HS3ST5: variants seen among roughly 807,000 people sequenced by gnomAD.
HS3ST5 encodes heparan sulfate glucosamine 3-O-sulfotransferase 5.
Under a neutral mutation model 25.4 loss-of-function variants are expected in HS3ST5, and 10 were observed. That is an observed-to-expected ratio of 0.39 (90% CI 0.24 to 0.67). The LOEUF is 0.67. HS3ST5 is among the 30% of genes least tolerant of loss of function. The pLI, the probability that HS3ST5 is intolerant of heterozygous loss-of-function variation, is 0.44. For missense variants in HS3ST5, 324 were observed against 420.7 expected (o/e 0.77, Z 2.01); for synonymous variants, 170 against 162.4 (o/e 1.05, Z -0.36).
At chr6:114,133,337 C>T (rs935554788) in intron 3 of HS3ST5, among the ~76,000 whole-genome samples, 4 of 152,222 alleles carry the variant, frequency 2.6e-5, no homozygotes, top group Admixed American at 6.5e-5. Flanking sequence ...CATGACCCCA[C>T]TGTTCCTCAG....
intron 1 of HS3ST5, among the ~76,000 whole-genome samples, chr6:114,317,804 G>GC (rs1291265464): frequency 2.7e-5 from 4 of 148,874 alleles, no homozygotes; most frequent in Non-Finnish European, 4.5e-5. Context: ...GCGGGGGGCG[G>GC]GGGGGTAGGC....
At chr6:114,093,727 AAAATCTG>A (rs1451056466) in intron 3 of HS3ST5, among the ~76,000 whole-genome samples, 1 of 152,156 alleles carries the variant, frequency 6.6e-6, no homozygotes, top group African/African-American at 2.4e-5. Flanking sequence ...AGCTGGAACT[AAAATCTG>A]AGCAGACAAA....
intron 1 of HS3ST5, among the ~76,000 whole-genome samples, chr6:114,292,617 C>T (rs931146758): frequency 6.6e-6 from 1 of 152,174 alleles, no homozygotes; most frequent in Non-Finnish European, 1.5e-5. Flanking sequence ...GTGCCAGAGT[C>T]ATTTTCATAA....
intron 1 of HS3ST5, among the ~76,000 whole-genome samples, chr6:114,332,993 T>C (rs1350908887): frequency 6.6e-6 from 1 of 152,108 alleles, no homozygotes; most frequent in Non-Finnish European, 1.5e-5. Context: ...GTTGAGCTAG[T>C]TTGAACTCTA....
At chr6:114,103,738 T>G (rs1407199709) in intron 3 of HS3ST5, among the ~76,000 whole-genome samples, 2 of 147,042 alleles carry the variant, frequency 1.4e-5, no homozygotes, top group East Asian at 4.0e-4. Flanking sequence ...AGTGTCTGTC[T>G]CCCAGGCTGG....
At chr6:114,209,890 T>C (rs1407703696) in intron 2 of HS3ST5, among the ~76,000 whole-genome samples, 1 of 152,162 alleles carries the variant, frequency 6.6e-6, no homozygotes, top group African/African-American at 2.4e-5. Flanking sequence ...CAGGGTAATA[T>C]AGAAAGAGAA....
At chr6:114,335,668 T>C (rs1776580465) in intron 1 of HS3ST5, among the ~76,000 whole-genome samples, 1 of 151,848 alleles carries the variant, frequency 6.6e-6, no homozygotes, top group Admixed American at 6.6e-5. Flanking sequence ...TTTTCTTTTT[T>C]TAAATTAGAC....
At chr6:114,264,922 C>G (rs1773338456) in intron 1 of HS3ST5, among the ~76,000 whole-genome samples, 1 of 152,164 alleles carries the variant, frequency 6.6e-6, no homozygotes, top group African/African-American at 2.4e-5. Context: ...CCCTGTCACC[C>G]AGGCTGGAAT....
chr6:114,106,918 A>T (rs1776022063), intron 3 of HS3ST5, among the ~76,000 whole-genome samples: 1 of 152,112 alleles, frequency 6.6e-6, no homozygotes, highest in African/African-American at 2.4e-5. Flanking sequence ...TTTGTTTCTG[A>T]TGCTAAAATT....
Position 114,332,625 on chromosome 6 carries a change from TG to T in HS3ST5, c.-339+9569del, listed in dbSNP as rs905986354. ...TAGGCACTGGAGATATAGGTACTGT[TG>T]GGGGTGGCGAGAGAGTGTGTGTCTA... On this transcript the variant is annotated intron_variant, in intron 1 of 4. Transcript: ENST00000312719. Among the ~76,000 whole-genome samples, 4 of 152,108 alleles carry T rather than the reference TG, an allele frequency of 2.6e-5. No homozygotes were observed. In the Middle Eastern group the frequency reaches 0.014, roughly 517 times the overall value.
At chr6:114,060,784 C>A (rs1008805251) in intron 4 of HS3ST5, among the ~76,000 whole-genome samples, 1 of 152,140 alleles carries the variant, frequency 6.6e-6, no homozygotes, top group Non-Finnish European at 1.5e-5. Context: ...TATCTTCTAC[C>A]CTGGGAGATC....
At chr6:114,174,242 G>A (rs929237165) in intron 2 of HS3ST5, among the ~76,000 whole-genome samples, 2 of 151,920 alleles carry the variant, frequency 1.3e-5, no homozygotes, top group Non-Finnish European at 2.9e-5. Context: ...CTTTCCTCAG[G>A]AAGATTTTTC....
At chr6:114,065,431 A>G (rs529127861) in intron 3 of HS3ST5, among the ~76,000 whole-genome samples, 84 of 152,356 alleles carry the variant, frequency 5.5e-4, no homozygotes, top group African/African-American at 1.8e-3. Flanking sequence ...ACAGGGTGGC[A>G]GAAAGAAAAC....
intron 2 of HS3ST5, among the ~76,000 whole-genome samples, chr6:114,222,398 G>A (rs1782085508): frequency 1.3e-5 from 2 of 151,806 alleles, no homozygotes; most frequent in South Asian, 4.1e-4. Context: ...CCAAATGCTT[G>A]TTGAATGAAT....
At chr6:114,221,438 A>G (rs750460893) in intron 2 of HS3ST5, among the ~76,000 whole-genome samples, 7 of 150,796 alleles carry the variant, frequency 4.6e-5, no homozygotes, top group African/African-American at 1.7e-4. Flanking sequence ...CTTCAAAATC[A>G]AGGTAAATTC....
chr6:114,084,540 A>G (rs7743208), intron 3 of HS3ST5: 112,538 of 759,534 alleles, frequency 0.15, 9,057 homozygotes, highest in South Asian at 0.19. Context: ...ACCGCATCAC[A>G]CCCGCTGAGT....
intron 3 of HS3ST5, among the ~76,000 whole-genome samples, chr6:114,098,547 A>AT (rs1775561464): frequency 6.7e-6 from 1 of 148,304 alleles, no homozygotes; most frequent in South Asian, 2.1e-4. Flanking sequence ...ATATTTTAAT[A>AT]TATAATATTA....
intron 1 of HS3ST5, among the ~76,000 whole-genome samples, chr6:114,242,859 C>CAA (rs376265869): frequency 0.09 from 10,004 of 110,654 alleles, 490 homozygotes; most frequent in Non-Finnish European, 0.13. Context: ...GACTCCGTCT[C>CAA]AAAAAAAAAA....
intron 1 of HS3ST5, chr6:114,235,893 G>A (rs1422585977): frequency 6.6e-6 from 1 of 152,236 alleles, no homozygotes; most frequent in Non-Finnish European, 1.5e-5. Context: ...GGTCCAGGTA[G>A]GGGACACAAA....
Sources: gnomAD v4.1 joint callset for allele counts (sites outside exome capture counted in the v4.1 genomes callset) on GRCh38, gnomAD v4.1.1 for gene constraint, MANE v1.5 for transcripts, NCBI Gene and HGNC (gene_info 2026-07-23, HGNC 2026-07-21) for gene names.